RANBP17: variants seen among roughly 807,000 people sequenced by gnomAD.
The protein encoded by RANBP17 is RAN binding protein 17.
RANBP17 carries 158 observed loss-of-function variants against 141.2 expected under a neutral mutation model. The ratio of observed to expected loss-of-function variants is 1.12; its 90% CI spans 0.98 to 1.28. The LOEUF is 1.28. Among genes scored for constraint, RANBP17 ranks in the 50% most tolerant of loss-of-function variants. The pLI is 0.00. For missense variants in RANBP17, 1,438 were observed against 1,290.7 expected (o/e 1.11, Z -1.75); for synonymous variants, 430 against 450.0 (o/e 0.96, Z 0.56).
At chr5:170,882,078 A>C (rs977069349) in intron 3 of RANBP17, among the ~76,000 whole-genome samples, 182 bp downstream of exon 3, 1 of 152,158 alleles carries the variant, frequency 6.6e-6, no homozygotes, top group Non-Finnish European at 1.5e-5. Flanking sequence ...ACGTCTAATC[A>C]AAAAAGCATT....
chr5:171,202,208 G>A (rs1380746002), intron 19 of RANBP17, among the ~76,000 whole-genome samples: 2 of 152,050 alleles, frequency 1.3e-5, no homozygotes, highest in African/African-American at 4.8e-5. Flanking sequence ...TTGAAATTTT[G>A]TCTTGGGTTT....
At chr5:170,882,328 C>T (rs1768774415) in intron 3 of RANBP17, among the ~76,000 whole-genome samples, 1 of 152,146 alleles carries the variant, frequency 6.6e-6, no homozygotes, top group Non-Finnish European at 1.5e-5. Flanking sequence ...GATCCGCCCT[C>T]CTTGGCCTCC....
chr5:170,956,162 C>T (rs1469572071), intron 13 of RANBP17, among the ~76,000 whole-genome samples: 2 of 151,862 alleles, frequency 1.3e-5, no homozygotes, highest in Middle Eastern at 3.2e-3. Flanking sequence ...TGAAGTGGCA[C>T]TTATATCTTA....
chr5:171,298,624 G>A (rs1768970419), intron 27 of RANBP17, 138 bp from the exon 28 acceptor site: 2 of 570,280 alleles, frequency 3.5e-6, no homozygotes, highest in Admixed American at 2.9e-5. Flanking sequence ...GGAGAGAAAG[G>A]AGCTCAGCTG....
intron 14 of RANBP17, among the ~76,000 whole-genome samples, chr5:170,976,665 A>G (rs1301435919): frequency 6.6e-6 from 1 of 152,168 alleles, no homozygotes; most frequent in Non-Finnish European, 1.5e-5. Context: ...AAGCATATAC[A>G]TATAAACGAA....
intron 7 of RANBP17, among the ~76,000 whole-genome samples, chr5:170,911,837 T>C (rs566836800): frequency 6.6e-6 from 1 of 151,872 alleles, no homozygotes; most frequent in South Asian, 2.1e-4. Flanking sequence ...TGTTCTCCCA[T>C]GTTCCAGAAA....
intron 16 of RANBP17, among the ~76,000 whole-genome samples, chr5:171,179,311 C>T (rs900667197): frequency 2.0e-5 from 3 of 151,886 alleles, no homozygotes; most frequent in Admixed American, 6.6e-5. Context: ...GTAGTTCTTC[C>T]TCCTATTCTT....
chr5:171,157,936 T>C (rs1759021539), intron 14 of RANBP17, among the ~76,000 whole-genome samples: 1 of 152,244 alleles, frequency 6.6e-6, no homozygotes, highest in Admixed American at 6.5e-5. Flanking sequence ...TCTCCATTGC[T>C]ATGCCTGCAG....
At chr5:171,146,245 C>T (rs902648723) in intron 14 of RANBP17, among the ~76,000 whole-genome samples, 1 of 152,098 alleles carries the variant, frequency 6.6e-6, no homozygotes, top group African/African-American at 2.4e-5. Flanking sequence ...CCAAAAATCT[C>T]GGAGCATATT....
At chr5:171,262,742 C>G (rs1766417309) in intron 24 of RANBP17, among the ~76,000 whole-genome samples, 1 of 152,114 alleles carries the variant, frequency 6.6e-6, no homozygotes, top group Admixed American at 6.5e-5. Flanking sequence ...CAACTTATTC[C>G]TCTTATCTGG....
chr5:171,112,459 A>T (rs1307954580), intron 14 of RANBP17, among the ~76,000 whole-genome samples: 1 of 151,964 alleles, frequency 6.6e-6, no homozygotes, highest in African/African-American at 2.4e-5. Context: ...AAGTAAGATT[A>T]TACCATGGAA....
At chr5:171,266,646 G>A (rs555708412) in intron 25 of RANBP17, among the ~76,000 whole-genome samples, 12 of 152,210 alleles carry the variant, frequency 7.9e-5, no homozygotes, top group African/African-American at 2.9e-4. Flanking sequence ...CAGGCACGGT[G>A]GTCATGCCTG....
rs1461808660 is a variant in RANBP17 at position 171,209,867 on chromosome 5, C to G, written c.2232-3764C>G. Among the ~76,000 whole-genome samples, 6 of 152,336 alleles carry G rather than the reference C, an allele frequency of 3.9e-5. No homozygotes were observed. In the East Asian group the frequency reaches 9.6e-4, roughly 24 times the overall value. On this transcript the variant is annotated intron_variant, in intron 20 of 27. Transcript: ENST00000523189. ...GCAAGCTATTTCTATTCTGGAACCA[C>G]ATCCCCAAACCCTTGTCTCCTAACA...
chr5:171,035,452 T>A (rs575603076), intron 14 of RANBP17, among the ~76,000 whole-genome samples: 1 of 152,244 alleles, frequency 6.6e-6, no homozygotes, highest in South Asian at 2.1e-4. Context: ...TTTCTTAATA[T>A]ATTGGATATG....
chr5:170,879,016 TAATG>T (rs1428314584), intron 2 of RANBP17, among the ~76,000 whole-genome samples: 1 of 152,194 alleles, frequency 6.6e-6, no homozygotes, highest in East Asian at 1.9e-4. Flanking sequence ...ACAGGTCTGT[TAATG>T]AAGAGAATAG....
intron 1 of RANBP17, chr5:170,866,701 T>G (rs1184668907): frequency 1.3e-5 from 2 of 151,566 alleles, no homozygotes; most frequent in Admixed American, 1.3e-4. Context: ...AAGGGACACT[T>G]AAAGTGGAAA....
chr5:170,884,208 C>T (rs1025720679), intron 3 of RANBP17, among the ~76,000 whole-genome samples: 11 of 152,068 alleles, frequency 7.2e-5, no homozygotes, highest in Admixed American at 7.2e-4. Flanking sequence ...TATACAGCAC[C>T]TTTTTATGTG....
At chr5:170,917,967 G>A (rs776978970) in intron 9 of RANBP17, among the ~76,000 whole-genome samples, 1 of 152,046 alleles carries the variant, frequency 6.6e-6, no homozygotes, top group Non-Finnish European at 1.5e-5. Context: ...GAATGAAATT[G>A]CTTAGAGACT....
intron 21 of RANBP17, among the ~76,000 whole-genome samples, chr5:171,217,568 G>A (rs1430112989): frequency 6.6e-6 from 1 of 152,084 alleles, no homozygotes; most frequent in East Asian, 1.9e-4. Flanking sequence ...ATTAATTACT[G>A]CCTCAATTTC....
Sources: allele counts gnomAD v4.1 joint callset (sites outside exome capture counted in the v4.1 genomes callset), GRCh38; gene constraint gnomAD v4.1.1; transcripts MANE v1.5; gene names NCBI Gene and HGNC (gene_info 2026-07-23, HGNC 2026-07-21).